Variants in ELK1 observed in about 807,000 individuals in gnomAD.
The protein encoded by ELK1 is ETS transcription factor ELK1, also known as ETS domain-containing protein Elk-1.
For missense variants in ELK1, 254 were observed against 381.5 expected (o/e 0.67, Z 2.78); for synonymous variants, 163 against 176.3 (o/e 0.92, Z 0.60).
At chrX:47,649,662 G>A (rs1315245994) in intron 2 of ELK1, among the ~76,000 whole-genome samples, 1 of 110,779 alleles carries the variant, frequency 9.0e-6, no homozygotes, top group African/African-American at 3.3e-5. Flanking sequence ...CTGAGCTACT[G>A]AAAATAGGGA....
At chrX:47,639,362 A>T in intron 3 of ELK1, 24 bp from the exon 4 acceptor site, 1 of 1,096,636 alleles carries the variant, frequency 9.1e-7, no homozygotes, top group Non-Finnish European at 1.2e-6. Context: ...AGAGGAACAG[A>T]GGGCCTTAGA....
At chrX:47,646,149 ACTT>A (rs747511324) in intron 2 of ELK1, among the ~76,000 whole-genome samples, 33 of 111,504 alleles carry the variant, frequency 3.0e-4, no homozygotes, top group Non-Finnish European at 5.5e-4. Context: ...ATTGTTAGGA[ACTT>A]CTTTTTTATA....
Position 47,642,588 on chromosome X carries a change from CT to C in ELK1, c.-34-1114del, listed in dbSNP as rs765850709. Among the ~76,000 whole-genome samples the C allele has an allele frequency of 1.5e-3, 147 of 100,764 alleles. 1 individual carries two copies. Among genetic ancestry groups the C allele is most frequent in the Middle Eastern group, 4.8e-3 (1 of 208 alleles). 87.5% of individuals were successfully genotyped at this position (100,764 alleles called of 115,157 possible). A position where few individuals can be genotyped will look rare whatever the true frequency, so the allele number is the denominator to read the frequency against. On this transcript the variant is annotated intron_variant, in intron 2 of 6. Coordinates refer to ENST00000376983, the MANE Select transcript of ELK1 (RefSeq NM_001114123.3). ...GTTACTGTCCCTGAATGTTCTCGTT[CT>C]TTTTTTTTTTTTCTTTTTTTTTGAG...
In ELK1 at chrX:47,639,016, G is replaced by A. The variant is rs2058019596; in HGVS notation, c.533C>T (p.Ala178Val). ...AGGAGCTGCACTGGGGAGCACCACAGCAGGCCGAGGATGAGGGGGTGGCTG... is the reference window on the plus strand; with the variant it reads ...AGGAGCTGCACTGGGGAGCACCACAACAGGCCGAGGATGAGGGGGTGGCTG... ...QPQPPPHPRPAVVLPSAAPAG... is the reference protein window; with the variant it reads ...QPQPPPHPRPVVVLPSAAPAG... The change falls in exon 4 of 7, where the codon GCT becomes GTT. Residue 178 changes from alanine (A) to valine (V), a missense_variant. By Grantham distance (64) the Ala-to-Val change is moderately conservative (BLOSUM62 0). Transcript: ENST00000376983. 4.2e-6 allele frequency: 5 copies of A among 1,200,868 alleles called. No individual in the cohort carries two copies. Among genetic ancestry groups the A allele is most frequent in the South Asian group, 3.6e-5 (2 of 55,151 alleles).
chrX:47,637,810 A>G lies in ELK1; in HGVS notation c.1027T>C (p.Ser343Pro), dbSNP rs1464708658. 3.4e-6 allele frequency: 4 copies of G among 1,193,345 alleles called. No homozygotes were observed. In the African/African-American group the frequency reaches 7.0e-5, roughly 21 times the overall value. ...PERTPGSGSG[S>P]GLQAPGPALT... ...GCCGGCCCCGGAGCCTGGAGGCCGG[A>G]GCCACTTCCCGATCCTGGGGTCCGT... Residue 343 changes from serine (S) to proline (P), a missense_variant, in exon 5 of 7, where the codon TCC (serine) becomes CCC (proline). Physicochemically the swap from Ser to Pro is moderately conservative, Grantham distance 74. Coordinates refer to ENST00000376983, the MANE Select transcript of ELK1 (RefSeq NM_001114123.3).
intron 3 of ELK1, among the ~76,000 whole-genome samples, chrX:47,640,562 A>T (rs2058025095): frequency 9.0e-6 from 1 of 111,446 alleles, no homozygotes. Flanking sequence ...GGGAAATTTT[A>T]AATTTTAGCT....
In ELK1 at chrX:47,637,886, C is replaced by T. The variant is rs2058014683; in HGVS notation, c.951G>A (p.Arg317=). 2 of 1,202,558 alleles carry T rather than the reference C, an allele frequency of 1.7e-6. No homozygotes were observed. Among genetic ancestry groups the T allele is most frequent in the African/African-American group, 1.8e-5 (1 of 57,124 alleles). ...TCGGGCTGAGTGGAAGCTCTAGGTC[C>T]CGGGGCTTCCGGCCCTTCTGCGGCT... The part of the protein sequence containing the change: ...ISQPQKGRKP[R]DLELPLSPSL... Residue 317 remains arginine, a synonymous_variant, in exon 5 of 7, where the codon CGG becomes CGA. Transcript: ENST00000376983.
At chrX:47,646,337 T>C (rs992045117) in intron 2 of ELK1, among the ~76,000 whole-genome samples, 21 of 111,624 alleles carry the variant, frequency 1.9e-4, no homozygotes, top group African/African-American at 6.2e-4. Flanking sequence ...GGGTTTTTTT[T>C]CGGAGACGGG....
chrX:47,648,164 C>T (rs1438728033), intron 2 of ELK1, among the ~76,000 whole-genome samples: 1 of 109,047 alleles, frequency 9.2e-6, no homozygotes, highest in South Asian at 4.0e-4. Context: ...AAAGGGATCT[C>T]GCTATATTGC....
chrX:47,638,839 C>A, intron 4 of ELK1, 56 bp downstream of exon 4: 1 of 1,135,366 alleles, frequency 8.8e-7, no homozygotes, highest in Non-Finnish European at 1.2e-6. Flanking sequence ...CCGGGGATTA[C>A]ACATCCCTCC....
Position 47,641,535 on chromosome X carries a change from G to A in ELK1, c.-34-60C>T. ...ACATAGGAGGGGCAGAGGTCAGCGG[G>A]AGGAGGATTCCTTTTTTTGTCATCT... On this transcript the variant is annotated intron_variant, in intron 2 of 6. Transcript: ENST00000376983. The A allele has an allele frequency of 5.7e-6, 5 of 877,638 alleles. No individual in the cohort carries two copies. The Admixed American group carries it at 8.3e-5, about 15-fold the overall frequency. 72.3% of individuals were successfully genotyped at this position (877,638 alleles called of 1,213,427 possible).
At chrX:47,640,157 T>G (rs147839334) in intron 3 of ELK1, among the ~76,000 whole-genome samples, 2 of 111,653 alleles carry the variant, frequency 1.8e-5, no homozygotes, top group Non-Finnish European at 3.8e-5. Context: ...CAGAGCATGT[T>G]TGGGGTTTTT....
rs757417398 is a variant in ELK1 at position 47,636,633 on chromosome X, A to G, written c.*196T>C. On this transcript the variant is annotated 3_prime_UTR_variant, in exon 7 of 7. Transcript: ENST00000376983. ...CTGGGGGACTGACAGAAAACAGAGAAGTTGTGGAAGCTGTGTGTTTTCTGT... is the reference window on the plus strand; with the variant it reads ...CTGGGGGACTGACAGAAAACAGAGAGGTTGTGGAAGCTGTGTGTTTTCTGT... The G allele has an allele frequency of 2.5e-6, 1 of 400,129 alleles. No homozygotes were observed. The highest frequency in any genetic ancestry group is 2.5e-5 in the African/African-American group (1 of 39,729). The allele number at this position is 400,129 out of a possible 1,213,427, so 33.0% of individuals were successfully genotyped here.
intron 3 of ELK1, among the ~76,000 whole-genome samples, chrX:47,640,078 C>CTTTTT (rs2058023399): frequency 9.0e-6 from 1 of 111,200 alleles, no homozygotes; most frequent in Non-Finnish European, 1.9e-5. Context: ...AGCAATTAGA[C>CTTTTT]AAGAATATTA....
intron 1 of ELK1, among the ~76,000 whole-genome samples, 154 bp from the exon 2 acceptor site, chrX:47,650,180 G>A (rs1386133411): frequency 9.1e-6 from 1 of 109,736 alleles, no homozygotes; most frequent in Non-Finnish European, 1.9e-5. Flanking sequence ...TTGGCGTGGG[G>A]AAAAACATAA....
chrX:47,637,148 T>C, intron 5 of ELK1, 34 bp from the exon 6 acceptor site: 1 of 1,151,887 alleles, frequency 8.7e-7, no homozygotes, highest in Non-Finnish European at 1.2e-6. Flanking sequence ...CTCAAGTGAG[T>C]AGAAAGTAGA....
At chrX:47,639,415 G>C (rs1225850694) in intron 3 of ELK1, 77 bp from the exon 4 acceptor site, 26 of 849,251 alleles carry the variant, frequency 3.1e-5, no homozygotes, top group Admixed American at 2.9e-4. Context: ...GGGGAGGAGG[G>C]GGGTGGAGTG....
In ELK1 at chrX:47,641,283, G is replaced by C; in HGVS notation, c.159C>G (p.Thr53=). 8.3e-7 allele frequency: 1 copy of C among 1,211,911 alleles called. No individual in the cohort carries two copies. Among genetic ancestry groups the C allele is most frequent in the Non-Finnish European group, 1.1e-6 (1 of 895,563 alleles). ...GGCTGAGCTTGTCGTAATTCATGTT[G>C]GTCTTGTTCTTGCGTAGCCCCCACA... The part of the protein sequence containing the change: ...ARLWGLRKNK[T]NMNYDKLSRA... The change falls in exon 3 of 7, where the codon ACC becomes ACG. Residue 53 remains threonine, a synonymous_variant. Transcript: ENST00000376983.
intron 1 of ELK1, 33 bp downstream of exon 1, chrX:47,650,390 C>T (rs2058058200): frequency 9.8e-6 from 3 of 306,991 alleles, no homozygotes; most frequent in South Asian, 2.9e-5. Context: ...GGGTCACGGA[C>T]TGGGCCCTCC....
Sources: gnomAD v4.1 joint callset for allele counts (sites outside exome capture counted in the v4.1 genomes callset) on GRCh38, gnomAD v4.1.1 for gene constraint, MANE v1.5 for transcripts, NCBI Gene and HGNC (gene_info 2026-07-23, HGNC 2026-07-21) for gene names.